FGF7: variants seen among roughly 807,000 people sequenced by gnomAD.
FGF7 encodes FGF-7.
In FGF7, 6 loss-of-function variants were observed where a neutral mutation model predicts 20.5. The observed-to-expected ratio is 0.29, with a 90% CI of 0.16 to 0.58. FGF7 has a LOEUF of 0.58. Among genes scored for constraint, FGF7 ranks in the 20% least tolerant of loss-of-function variants. The pLI, the probability that FGF7 is intolerant of heterozygous loss-of-function variation, is 0.90. For synonymous variants in FGF7, 64 were observed against 74.7 expected (o/e 0.86, Z 0.74); for missense variants, 144 against 228.8 (o/e 0.63, Z 2.39).
chr15:49,480,304 T>C (rs1040914697), intron 2 of FGF7, among the ~76,000 whole-genome samples: 22 of 152,102 alleles, frequency 1.4e-4, no homozygotes, highest in African/African-American at 5.1e-4. Context: ...ACCTTATTTT[T>C]ATTTATTTAT....
intron 2 of FGF7, among the ~76,000 whole-genome samples, chr15:49,437,650 T>C (rs1168714359): frequency 6.6e-6 from 1 of 151,724 alleles, no homozygotes; most frequent in Non-Finnish European, 1.5e-5. Context: ...CTTAGAAGGT[T>C]TGTATTCTGA....
At position 49,458,266 on chromosome 15, in the gene FGF7, T is replaced by C. The variant is rs1306594252; in HGVS notation, c.287-24885T>C. 3.3e-5 allele frequency among the ~76,000 whole-genome samples: 5 copies of C among 151,822 alleles called. No homozygotes were observed. The East Asian group carries it at 5.8e-4, about 18-fold the overall frequency. On this transcript the variant is annotated intron_variant, in intron 2 of 3. Coordinates refer to ENST00000267843, the MANE Select transcript of FGF7 (RefSeq NM_002009.4). The stretch of plus-strand genomic sequence containing the variant: ...TTTATTCATTTATACTGAATTAATA[T>C]ACTCTGGAGAAAAAGAACCCCCCCA...
intron 2 of FGF7, among the ~76,000 whole-genome samples, chr15:49,468,315 T>C (rs2054445455): frequency 6.6e-6 from 1 of 152,198 alleles, no homozygotes; most frequent in Non-Finnish European, 1.5e-5. Flanking sequence ...CCAGCAATTA[T>C]GCAATCATGT....
chr15:49,467,436 G>T (rs2054367639), intron 2 of FGF7, among the ~76,000 whole-genome samples: 1 of 151,956 alleles, frequency 6.6e-6, no homozygotes, highest in African/African-American at 2.4e-5. Flanking sequence ...TGGTACATTT[G>T]TATTTTGAAA....
At chr15:49,468,644 A>C (rs2054474426) in intron 2 of FGF7, among the ~76,000 whole-genome samples, 1 of 152,154 alleles carries the variant, frequency 6.6e-6, no homozygotes, top group African/African-American at 2.4e-5. Flanking sequence ...GGAGGTCACT[A>C]CCTCCACAGA....
chr15:49,458,679 A>G (rs1447237494), intron 2 of FGF7, among the ~76,000 whole-genome samples: 1 of 152,150 alleles, frequency 6.6e-6, no homozygotes, highest in Non-Finnish European at 1.5e-5. Flanking sequence ...TCAGAAAACA[A>G]AACTCAAAAT....
intron 2 of FGF7, among the ~76,000 whole-genome samples, chr15:49,478,743 T>C (rs534284607): frequency 6.6e-6 from 1 of 152,276 alleles, no homozygotes; most frequent in South Asian, 2.1e-4. Flanking sequence ...ACTTTAAATA[T>C]AAAGCTTTAA....
At chr15:49,444,637 G>C (rs750008734) in intron 2 of FGF7, among the ~76,000 whole-genome samples, 64 of 151,688 alleles carry the variant, frequency 4.2e-4, no homozygotes, top group Non-Finnish European at 6.6e-4. Flanking sequence ...GATCTAAGTT[G>C]AATCAGGAAC....
intron 2 of FGF7, among the ~76,000 whole-genome samples, chr15:49,482,114 G>T (rs1324554384): frequency 6.6e-6 from 1 of 152,122 alleles, no homozygotes; most frequent in Non-Finnish European, 1.5e-5. Context: ...TCTTTGCACT[G>T]TGTTAGACAT....
At chr15:49,437,436 C>T (rs1364116004) in intron 2 of FGF7, among the ~76,000 whole-genome samples, 2 of 151,490 alleles carry the variant, frequency 1.3e-5, no homozygotes, top group Non-Finnish European at 3.0e-5. Flanking sequence ...GGACTGCGCT[C>T]CACAAAAAGT....
At chr15:49,467,792 A>G (rs1020997712) in intron 2 of FGF7, among the ~76,000 whole-genome samples, 1 of 152,128 alleles carries the variant, frequency 6.6e-6, no homozygotes, top group Non-Finnish European at 1.5e-5. Context: ...TTCAGGGAAT[A>G]TATCTTCTCT....
chr15:49,434,218 G>A (rs2050877590), intron 2 of FGF7, among the ~76,000 whole-genome samples: 1 of 151,542 alleles, frequency 6.6e-6, no homozygotes. Flanking sequence ...GTCACTTGTA[G>A]GTGTTACATA....
intron 2 of FGF7, among the ~76,000 whole-genome samples, chr15:49,477,316 CCT>C (rs1314791617): frequency 6.6e-6 from 1 of 152,130 alleles, no homozygotes; most frequent in Non-Finnish European, 1.5e-5. Flanking sequence ...TTAAAAATCC[CCT>C]GTGATTCAGC....
At chr15:49,434,627 C>A (rs567021789) in intron 2 of FGF7, 1 of 151,622 alleles carries the variant, frequency 6.6e-6, no homozygotes, top group East Asian at 2.0e-4. Context: ...TAACATCTTT[C>A]CAAGTATCAA....
intron 2 of FGF7, among the ~76,000 whole-genome samples, chr15:49,433,540 G>A (rs998773215): frequency 5.3e-5 from 8 of 151,548 alleles, no homozygotes; most frequent in South Asian, 4.1e-4. Flanking sequence ...AAGCCTTGCT[G>A]AAATAAAAGA....
At chr15:49,483,003 G>A in intron 2 of FGF7, 148 bp from the exon 3 acceptor site, 1 of 650,520 alleles carries the variant, frequency 1.5e-6, no homozygotes, top group East Asian at 2.7e-5. Flanking sequence ...TGTATCTGTT[G>A]TGGGTCAGGG....
intron 2 of FGF7, among the ~76,000 whole-genome samples, chr15:49,477,342 T>G (rs542964789): frequency 1.3e-5 from 2 of 152,348 alleles, no homozygotes; most frequent in South Asian, 4.1e-4. Flanking sequence ...TCATCCTTTT[T>G]CTGCTCTCCT....
At chr15:49,435,103 TGA>T in intron 2 of FGF7, among the ~76,000 whole-genome samples, 1 of 151,668 alleles carries the variant, frequency 6.6e-6, no homozygotes, top group East Asian at 1.9e-4. Context: ...GTGTATGAAG[TGA>T]GAGGGGGGTA....
rs535243860 is a variant in FGF7, at chr15:49,465,016, T to C, written c.287-18135T>C. ...AAGAAACTATAATGTTATAAATGTC[T>C]AGTTAAGAAACTATAATGGACTGTA... is the stretch of plus-strand genomic sequence containing the variant. On this transcript the variant is annotated intron_variant, in intron 2 of 3. Transcript: ENST00000267843. Among the ~76,000 whole-genome samples, 4 of 152,344 alleles carry C rather than the reference T, an allele frequency of 2.6e-5. No homozygotes were observed. In the East Asian group the frequency reaches 7.7e-4, roughly 29 times the overall value.
Sources: gnomAD v4.1 joint callset for allele counts (sites outside exome capture counted in the v4.1 genomes callset) on GRCh38, gnomAD v4.1.1 for gene constraint, MANE v1.5 for transcripts, NCBI Gene and HGNC (gene_info 2026-07-23, HGNC 2026-07-21) for gene names.